The following SERPINA6 variants were observed in gnomAD, a reference collection of about 807,000 sequenced individuals.
SERPINA6 encodes the protein serpin family A member 6.
SERPINA6 carries 19 observed loss-of-function variants against 26.4 expected under a neutral mutation model. That is an observed-to-expected ratio of 0.72 (90% CI 0.50 to 1.06). SERPINA6 has a LOEUF of 1.06. Ranked by LOEUF, SERPINA6 falls within the 50% of genes least tolerant of loss-of-function variation. SERPINA6 has a pLI of 0.00. For missense variants in SERPINA6, 473 were observed against 504.0 expected (o/e 0.94, Z 0.59); for synonymous variants, 196 against 199.4 (o/e 0.98, Z 0.14).
At chr14:94,310,430 T>A (rs1347031153) in intron 2 of SERPINA6, among the ~76,000 whole-genome samples, 1 of 152,150 alleles carries the variant, frequency 6.6e-6, no homozygotes, top group Non-Finnish European at 1.5e-5. Context: ...CCTGCCAGCC[T>A]GGCCGGCCCA....
chr14:94,305,923 GTGAGACAAGGGGCT>G, intron 4 of SERPINA6, 134 bp downstream of exon 4: 1 of 806,790 alleles, frequency 1.2e-6, no homozygotes, highest in Middle Eastern at 3.4e-4. Context: ...TTACCTCATG[GTGAGACAAGGGGCT>G]TTGACTCAAC....
At chr14:94,318,744 G>T (rs536438716) in intron 1 of SERPINA6, among the ~76,000 whole-genome samples, 2 of 152,068 alleles carry the variant, frequency 1.3e-5, no homozygotes, top group Non-Finnish European at 1.5e-5. Flanking sequence ...CATGATGTTG[G>T]CTTTGGCAAT....
chr14:94,322,774 T>C (rs914295859), intron 1 of SERPINA6, among the ~76,000 whole-genome samples: 2 of 152,180 alleles, frequency 1.3e-5, no homozygotes, highest in Non-Finnish European at 2.9e-5. Flanking sequence ...CTGCCCCAGG[T>C]CACTGAGTGA....
intron 3 of SERPINA6, among the ~76,000 whole-genome samples, chr14:94,306,970 C>T (rs958289029): frequency 2.0e-5 from 3 of 152,158 alleles, no homozygotes; most frequent in African/African-American, 4.8e-5. Flanking sequence ...CACCGGCTCT[C>T]TTGGCAGATG....
intron 1 of SERPINA6, among the ~76,000 whole-genome samples, chr14:94,315,542 AT>A (rs1895602910): frequency 6.6e-6 from 1 of 152,176 alleles, no homozygotes; most frequent in Non-Finnish European, 1.5e-5. Flanking sequence ...ACTAAAAATT[AT>A]TTTTACACAT....
chr14:94,309,365 CA>C (rs2139717816), intron 3 of SERPINA6, among the ~76,000 whole-genome samples: 1 of 152,206 alleles, frequency 6.6e-6, no homozygotes, highest in African/African-American at 2.4e-5. Flanking sequence ...GAATCTTTAG[CA>C]GGGCGTGGTT....
At chr14:94,310,826 C>T (rs959568929) in intron 2 of SERPINA6, among the ~76,000 whole-genome samples, 4 of 152,168 alleles carry the variant, frequency 2.6e-5, no homozygotes, top group East Asian at 1.9e-4. Flanking sequence ...CTCTAGGTGA[C>T]GTCTCCCCAG....
At chr14:94,313,748 C>A (rs1225566184) in intron 2 of SERPINA6, 6 of 567,754 alleles carry the variant, frequency 1.1e-5, no homozygotes, top group African/African-American at 1.9e-5. Flanking sequence ...TGACAGTCAG[C>A]ATTTGTGGAG....
At chr14:94,315,428 A>G (rs944914136) in intron 1 of SERPINA6, among the ~76,000 whole-genome samples, 1 of 152,152 alleles carries the variant, frequency 6.6e-6, no homozygotes. Context: ...TTGTTTTTCT[A>G]TTCTTGATTT....
chr14:94,313,346 G>T (rs763347165), intron 2 of SERPINA6, among the ~76,000 whole-genome samples: 1 of 152,194 alleles, frequency 6.6e-6, no homozygotes, highest in Non-Finnish European at 1.5e-5. Flanking sequence ...TTGCTAATCG[G>T]CTGGCCTTGA....
In SERPINA6 at chr14:94,321,202, C is replaced by T. The variant is rs78290617; in HGVS notation, c.-20+2065G>A. ...TCTCTCTCAGGACTCAGCAGTAGCCCCTACCTCGTCTCCCTGCCTCCTGTT... is the reference window on the plus strand; with the variant it reads ...TCTCTCTCAGGACTCAGCAGTAGCCTCTACCTCGTCTCCCTGCCTCCTGTT... On this transcript the variant is annotated intron_variant, in intron 1 of 4. Transcript: ENST00000341584. Among the ~76,000 whole-genome samples, 18 of 152,306 alleles carry T rather than the reference C, an allele frequency of 1.2e-4. 1 individual carries two copies. The East Asian group carries it at 2.5e-3, about 21-fold the overall frequency.
At chr14:94,306,292 C>G (rs1895439522) in intron 3 of SERPINA6, 74 bp from the exon 4 acceptor site, 1 of 1,503,750 alleles carries the variant, frequency 6.7e-7, no homozygotes, top group African/African-American at 1.4e-5. Flanking sequence ...CACCTCTTCT[C>G]CTGGCCAGAC....
intron 4 of SERPINA6, among the ~76,000 whole-genome samples, chr14:94,304,919 G>A (rs774889201): frequency 1.1e-4 from 17 of 152,160 alleles, no homozygotes; most frequent in Non-Finnish European, 1.9e-4. Context: ...CTGGGGTAGC[G>A]GAGGGAGATC....
At chr14:94,309,710 A>G (rs760264351) in intron 3 of SERPINA6, 26 bp downstream of exon 3, 58 of 1,613,152 alleles carry the variant, frequency 3.6e-5, no homozygotes, top group Non-Finnish European at 4.2e-5. Context: ...CATTGCAGAA[A>G]TCAACATGAT....
At chr14:94,311,333 C>CA (rs530209418) in intron 2 of SERPINA6, among the ~76,000 whole-genome samples, 2 of 152,034 alleles carry the variant, frequency 1.3e-5, no homozygotes, top group African/African-American at 4.8e-5. Context: ...TAACTTACAG[C>CA]AAAAAAACAA....
At chr14:94,319,892 A>ATTTTACTTCTGTC (rs1895660382) in intron 1 of SERPINA6, among the ~76,000 whole-genome samples, 1 of 152,216 alleles carries the variant, frequency 6.6e-6, no homozygotes. Context: ...TGGTGGCACA[A>ATTTTACTTCTGTC]CAATGTGAAT....
In SERPINA6 at chr14:94,313,057, T is replaced by C. The variant is rs948695225; in HGVS notation, c.613+979A>G. 3.9e-5 allele frequency among the ~76,000 whole-genome samples: 6 copies of C among 152,220 alleles called. No individual in the cohort carries two copies. In the South Asian group the frequency reaches 8.3e-4, roughly 21 times the overall value. On this transcript the variant is annotated intron_variant, in intron 2 of 4. Coordinates refer to ENST00000341584, the MANE Select transcript of SERPINA6 (RefSeq NM_001756.4). ...GCAAGATGATTGCCCAAACAAGGCATGGGCAAACTGTTGAGCATGCATATG... is the reference window on the plus strand; with the variant it reads ...GCAAGATGATTGCCCAAACAAGGCACGGGCAAACTGTTGAGCATGCATATG...
Position 94,304,474 on chromosome 14 carries a change from A to G in SERPINA6, c.1162T>C (p.Phe388Leu). The G allele has an allele frequency of 6.2e-7, 1 of 1,614,178 alleles. No individual in the cohort carries two copies. The highest frequency in any genetic ancestry group is 8.5e-7 in the Non-Finnish European group (1 of 1,180,032). The change falls in exon 5 of 5, where the codon TTC becomes CTC. Residue 388 changes from phenylalanine (F) to leucine (L), a missense_variant. Physicochemically the swap from Phe to Leu is conservative, Grantham distance 22 (BLOSUM62 0). Transcript: ENST00000341584. Reference protein sequence around the residue: ...RFNQPFIIMIFDHFTWSSLFL... With the variant: ...RFNQPFIIMILDHFTWSSLFL... The stretch of plus-strand genomic sequence containing the variant: ...AGGCTGCTCCAGGTGAAGTGGTCGA[A>G]GATCATGATGATGAAGGGCTGGTTG...
rs181376404 is a variant in SERPINA6, at chr14:94,310,061, T to A, written c.614-55A>T. On this transcript the variant is annotated intron_variant, in intron 2 of 4. Transcript: ENST00000341584. The stretch of plus-strand genomic sequence containing the variant: ...GCAGAGAGGAAAACACAGTTCCAGG[T>A]GATCTCACGGGCCTACTATCCAAGT... 1,424 of 1,583,408 alleles carry A rather than the reference T, an allele frequency of 9.0e-4. 29 individuals are homozygous for A. The Admixed American group carries it at 0.024, about 26-fold the overall frequency.
Sources: gnomAD v4.1 joint callset for allele counts (sites outside exome capture counted in the v4.1 genomes callset) on GRCh38, gnomAD v4.1.1 for gene constraint, MANE v1.5 for transcripts, NCBI Gene and HGNC (gene_info 2026-07-23, HGNC 2026-07-21) for gene names.